Variants in PTPRT observed in about 807,000 individuals in gnomAD.
The protein encoded by PTPRT is protein tyrosine phosphatase receptor type T.
PTPRT carries 56 observed loss-of-function variants against 176.8 expected under a neutral mutation model. The ratio of observed to expected loss-of-function variants is 0.32; its 90% CI spans 0.26 to 0.40. PTPRT has a LOEUF of 0.40. Among genes scored for constraint, PTPRT ranks in the 10% least tolerant of loss-of-function variants. The probability of loss-of-function intolerance (pLI) is 1.00; values close to 1 mark genes in which losing one functional copy is unlikely to be tolerated. For missense variants in PTPRT, 1,540 were observed against 1,908.2 expected, an observed-to-expected ratio of 0.81 and a Z score of 3.60; for synonymous variants, 783 against 739.0, an observed-to-expected ratio of 1.06 and a Z score of -0.96.
chr20:42,134,200 G>T (rs1988265502), intron 18 of PTPRT, among the ~76,000 whole-genome samples: 1 of 152,180 alleles, frequency 6.6e-6, no homozygotes, highest in Admixed American at 6.5e-5. Flanking sequence ...TTACCCACAT[G>T]CACATGGAGA....
intron 17 of PTPRT, among the ~76,000 whole-genome samples, chr20:42,143,900 G>A (rs532621913): frequency 1.3e-5 from 2 of 152,220 alleles, no homozygotes; most frequent in Non-Finnish European, 2.9e-5. Context: ...TCCCACCATG[G>A]GGTTGGCACA....
At chr20:42,166,871 A>C (rs1989846791) in intron 16 of PTPRT, among the ~76,000 whole-genome samples, 5 of 152,056 alleles carry the variant, frequency 3.3e-5, no homozygotes, top group Non-Finnish European at 7.4e-5. Flanking sequence ...CAGTGAGCCA[A>C]GATGGTGCCA....
At chr20:42,607,758 C>T (rs1169390713) in intron 7 of PTPRT, among the ~76,000 whole-genome samples, 1 of 152,124 alleles carries the variant, frequency 6.6e-6, no homozygotes, top group Non-Finnish European at 1.5e-5. Flanking sequence ...GCTGGGAGTG[C>T]ACAGCGGGGG....
At chr20:42,500,829 G>A (rs2071739144) in intron 7 of PTPRT, among the ~76,000 whole-genome samples, 1 of 152,050 alleles carries the variant, frequency 6.6e-6, no homozygotes, top group South Asian at 2.1e-4. Context: ...TATGCACTTA[G>A]GCAGCTATAA....
intron 6 of PTPRT, among the ~76,000 whole-genome samples, chr20:42,715,579 A>T (rs1198635821): frequency 6.6e-6 from 1 of 152,216 alleles, no homozygotes; most frequent in Non-Finnish European, 1.5e-5. Context: ...TGAATATAAA[A>T]GCAGATCAAC....
intron 5 of PTPRT, among the ~76,000 whole-genome samples, chr20:42,771,198 C>A (rs1291663734): frequency 2.6e-5 from 4 of 152,162 alleles, no homozygotes; most frequent in African/African-American, 9.7e-5. Context: ...CCAGGAAACT[C>A]CTCACTTACC....
intron 6 of PTPRT, among the ~76,000 whole-genome samples, chr20:42,748,526 G>T (rs1195317596): frequency 6.6e-6 from 1 of 152,118 alleles, no homozygotes; most frequent in Non-Finnish European, 1.5e-5. Context: ...CACCAAGGAG[G>T]CAGGAGCCAG....
intron 9 of PTPRT, among the ~76,000 whole-genome samples, chr20:42,411,260 C>G (rs978208039): frequency 6.6e-5 from 10 of 152,048 alleles, no homozygotes; most frequent in Non-Finnish European, 1.0e-4. Flanking sequence ...GCCTGGCCAA[C>G]ACGGTGAAAC....
chr20:43,056,837 G>T (rs1473800481), intron 1 of PTPRT, among the ~76,000 whole-genome samples: 1 of 152,176 alleles, frequency 6.6e-6, no homozygotes, highest in Non-Finnish European at 1.5e-5. Context: ...CCAGGTTTCT[G>T]AGGGGGAACA....
At chr20:42,163,775 T>C (rs1485839397) in intron 16 of PTPRT, among the ~76,000 whole-genome samples, 1 of 152,190 alleles carries the variant, frequency 6.6e-6, no homozygotes, top group Admixed American at 6.5e-5. Flanking sequence ...CTGTAACAGA[T>C]GGTGCAAGGC....
chr20:42,665,147 T>C (rs575575948), intron 7 of PTPRT, among the ~76,000 whole-genome samples: 3 of 151,810 alleles, frequency 2.0e-5, no homozygotes, highest in African/African-American at 7.2e-5. Context: ...GAAACTACCA[T>C]CAGAGTGAAC....
intron 2 of PTPRT, among the ~76,000 whole-genome samples, chr20:42,801,245 T>C (rs935520304): frequency 1.3e-5 from 2 of 152,120 alleles, no homozygotes; most frequent in African/African-American, 2.4e-5. Context: ...GGTGCGTGTA[T>C]CACACCATCT....
intron 1 of PTPRT, among the ~76,000 whole-genome samples, chr20:43,182,897 A>C (rs537078604): frequency 3.8e-4 from 58 of 152,248 alleles, no homozygotes; most frequent in Non-Finnish European, 7.6e-4. Context: ...AGGCACTTCT[A>C]CTCTTCTGTT....
intron 2 of PTPRT, among the ~76,000 whole-genome samples, chr20:42,871,616 T>C (rs208185): frequency 0.26 from 39,878 of 152,076 alleles, 5,314 homozygotes; most frequent in African/African-American, 0.31. Flanking sequence ...GTTTTCACTC[T>C]CATGTTTAGG....
At chr20:43,083,337 T>TGTATATACATATATATATATATACAC (rs1568773961) in intron 1 of PTPRT, among the ~76,000 whole-genome samples, 4 of 105,792 alleles carry the variant, frequency 3.8e-5, no homozygotes, top group Admixed American at 1.1e-4. Context: ...TATATATATA[T>TGTATATACATATATATATATATACAC]ATATATATAT....
intron 15 of PTPRT, among the ~76,000 whole-genome samples, chr20:42,221,094 G>A (rs11907769): frequency 0.31 from 47,410 of 152,018 alleles, 8,383 homozygotes; most frequent in East Asian, 0.42. Flanking sequence ...TCCGCTTCCC[G>A]GGTTCAAGAA....
intron 7 of PTPRT, among the ~76,000 whole-genome samples, chr20:42,524,796 T>C (rs907743474): frequency 6.6e-6 from 1 of 152,028 alleles, no homozygotes; most frequent in Non-Finnish European, 1.5e-5. Flanking sequence ...CATGTTTTCC[T>C]TTTTTTTCTC....
At chr20:42,100,206 C>T (rs1163626928) in intron 26 of PTPRT, among the ~76,000 whole-genome samples, 9 of 152,318 alleles carry the variant, frequency 5.9e-5, no homozygotes, top group East Asian at 1.9e-4. Flanking sequence ...CTGTGATAAA[C>T]GCTCTATTAG....
In PTPRT at chr20:42,773,363, C is replaced by A. The variant is rs117993192; in HGVS notation, c.569-1813G>T. On this transcript the variant is annotated intron_variant, in intron 4 of 30. Coordinates refer to ENST00000373187, the MANE Select transcript of PTPRT (RefSeq NM_007050.6). Reference sequence around the variant, plus strand: ...CTGGCACAGTGAAGAGTTCATTGATCGCTTATGATGAGTCTGACACTGTTT... The same window carrying A: ...CTGGCACAGTGAAGAGTTCATTGATAGCTTATGATGAGTCTGACACTGTTT... 9.1e-4 allele frequency among the ~76,000 whole-genome samples: 138 copies of A among 152,264 alleles called. 2 individuals carry two copies. The East Asian group carries it at 0.025, about 28-fold the overall frequency.
Sources: gnomAD v4.1 joint callset for allele counts (sites outside exome capture counted in the v4.1 genomes callset) on GRCh38, gnomAD v4.1.1 for gene constraint, MANE v1.5 for transcripts, NCBI Gene and HGNC (gene_info 2026-07-23, HGNC 2026-07-21) for gene names.